Variants in ADAMTSL1 observed in about 807,000 individuals in gnomAD.
ADAMTSL1 encodes ADAMTS like 1.
In ADAMTSL1, 126 loss-of-function variants were observed where a neutral mutation model predicts 201.8. The ratio of observed to expected loss-of-function variants is 0.62; its 90% CI spans 0.54 to 0.72. The LOEUF is 0.72. ADAMTSL1 is among the 30% of genes least tolerant of loss of function. The pLI, the probability that ADAMTSL1 is intolerant of heterozygous loss-of-function variation, is 0.00. For missense variants in ADAMTSL1, 2,679 were observed against 2,277.8 expected (o/e 1.18, Z -3.59); for synonymous variants, 1,121 against 903.4 (o/e 1.24, Z -4.32).
intron 20 of ADAMTSL1, among the ~76,000 whole-genome samples, chr9:18,806,537 G>A (rs1336942802): frequency 2.0e-5 from 3 of 152,182 alleles, no homozygotes; most frequent in Admixed American, 2.0e-4. Flanking sequence ...TGCTTACAAT[G>A]CTCTCTACTC....
intron 4 of ADAMTSL1, among the ~76,000 whole-genome samples, chr9:18,598,285 G>C (rs973409269): frequency 1.3e-5 from 2 of 152,228 alleles, no homozygotes; most frequent in African/African-American, 4.8e-5. Context: ...AGGGCAGGAT[G>C]TGACTTACCC....
rs778641186 is a variant in ADAMTSL1, at chr9:18,753,351, A to G, written c.2060A>G (p.Gln687Arg). The G allele has an allele frequency of 1.9e-6, 3 of 1,612,514 alleles. No individual in the cohort carries two copies. Among genetic ancestry groups the G allele is most frequent in the Non-Finnish European group, 2.5e-6 (3 of 1,179,428 alleles). Residue 687 changes from glutamine (Q) to arginine (R), a missense_variant, in exon 16 of 29, where the codon CAG (glutamine) becomes CGG (arginine). Coordinates refer to ENST00000380548, the MANE Select transcript of ADAMTSL1 (RefSeq NM_001040272.6). ...PCSLTCGVGL[Q>R]TRDVFCSHLL... ...AGTCTCACATGTGGGGTCGGCCTAC[A>G]GACCAGAGACGTCTTCTGCAGCCAC...
rs1821340086 is a variant in ADAMTSL1 at position 18,474,254 on chromosome 9, A to G, written c.22A>G (p.Thr8Ala). 1.2e-6 allele frequency: 2 copies of G among 1,613,216 alleles called. No individual in the cohort carries two copies. The highest frequency in any genetic ancestry group is 1.7e-6 in the Non-Finnish European group (2 of 1,179,806). Reference sequence around the variant, plus strand: ...AAGCATGGAATGCTGCCGTCGGGCAACTCCTGGCACACTGCTCCTCTTTCT... The same window carrying G: ...AAGCATGGAATGCTGCCGTCGGGCAGCTCCTGGCACACTGCTCCTCTTTCT... MECCRRA[T>A]PGTLLLFLAF... The change falls in exon 1 of 29, where the codon ACT becomes GCT. Residue 8 changes from threonine (T) to alanine (A), a missense_variant. Coordinates refer to ENST00000380548, the MANE Select transcript of ADAMTSL1 (RefSeq NM_001040272.6).
At chr9:18,325,965 T>G (rs1046132583) in intron 2 of ADAMTSL1, among the ~76,000 whole-genome samples, 1 of 152,168 alleles carries the variant, frequency 6.6e-6, no homozygotes, top group South Asian at 2.1e-4. Flanking sequence ...AGTCTTGAAC[T>G]CCTGACCTCA....
At chr9:18,876,541 G>A (rs1314512634) in intron 23 of ADAMTSL1, among the ~76,000 whole-genome samples, 1 of 152,050 alleles carries the variant, frequency 6.6e-6, no homozygotes, top group African/African-American at 2.4e-5. Flanking sequence ...AAAATTCTTG[G>A]CTGATAATAG....
At chr9:18,454,568 G>A (rs1313741603) in intron 2 of ADAMTSL1, among the ~76,000 whole-genome samples, 4 of 152,074 alleles carry the variant, frequency 2.6e-5, no homozygotes, top group African/African-American at 9.7e-5. Flanking sequence ...ATATGTCTGG[G>A]AACACACCTA....
chr9:18,619,308 A>G (rs778195291), intron 4 of ADAMTSL1, among the ~76,000 whole-genome samples: 1 of 152,310 alleles, frequency 6.6e-6, no homozygotes, highest in East Asian at 1.9e-4. Context: ...CACTTGGACC[A>G]AAGTAAGAAC....
intron 2 of ADAMTSL1, among the ~76,000 whole-genome samples, chr9:18,429,880 C>T (rs912301277): frequency 5.9e-5 from 9 of 152,082 alleles, no homozygotes; most frequent in African/African-American, 1.9e-4. Flanking sequence ...ACCTCTGCCT[C>T]CCGGGTTCAA....
rs1352571180 is a variant in ADAMTSL1 at position 18,710,661 on chromosome 9, G to GTTTTTTTTTTTTTTTTTTTT, written c.1876+3617_1876+3618insTTTTTTTTTTTTTTTTTTTT. Reference sequence around the variant, plus strand: ...TCCTTGCAGTCTTAGAAGGGCCTAAGTTTTGTTTTGTTTTTTTTTTTTTTT... The same window carrying GTTTTTTTTTTTTTTTTTTTT: ...TCCTTGCAGTCTTAGAAGGGCCTAAGTTTTTTTTTTTTTTTTTTTTTTTTGTTTTGTTTTTTTTTTTTTTT... On this transcript the variant is annotated intron_variant, in intron 14 of 28. Transcript: ENST00000380548. Among the ~76,000 whole-genome samples, 4 of 79,644 alleles carry GTTTTTTTTTTTTTTTTTTTT rather than the reference G, an allele frequency of 5.0e-5. 2 individuals carry two copies. The highest frequency in any genetic ancestry group is 9.8e-5 in the Non-Finnish European group (4 of 40,734). 52.2% of individuals were successfully genotyped at this position (79,644 alleles called of 152,430 possible). A position where few individuals can be genotyped will look rare whatever the true frequency, so the allele number is the denominator to read the frequency against.
intron 2 of ADAMTSL1, among the ~76,000 whole-genome samples, chr9:18,233,657 T>G (rs920203031): frequency 6.6e-6 from 1 of 152,004 alleles, no homozygotes. Context: ...GAGAGAAAAA[T>G]AGCCCTTGAA....
chr9:18,754,086 G>T (rs1306854489), intron 16 of ADAMTSL1, among the ~76,000 whole-genome samples: 1 of 152,068 alleles, frequency 6.6e-6, no homozygotes, highest in African/African-American at 2.4e-5. Context: ...AGCCTTTCTT[G>T]CGTGTGTAAA....
chr9:18,422,565 G>A (rs1197656910), intron 2 of ADAMTSL1, among the ~76,000 whole-genome samples: 2 of 152,058 alleles, frequency 1.3e-5, no homozygotes, highest in African/African-American at 2.4e-5. Flanking sequence ...CCTGCTTCTT[G>A]TATTTCACCA....
chr9:18,673,323 G>T (rs78466899), intron 9 of ADAMTSL1, among the ~76,000 whole-genome samples: 6 of 152,298 alleles, frequency 3.9e-5, no homozygotes, highest in Admixed American at 6.5e-5. Context: ...CTAGGGCCAT[G>T]GCATGAACCC....
intron 3 of ADAMTSL1, among the ~76,000 whole-genome samples, chr9:18,570,950 C>A (rs200531122): frequency 1.3e-5 from 2 of 152,150 alleles, no homozygotes; most frequent in African/African-American, 4.8e-5. Context: ...CAAATAAGAA[C>A]ATCTGTCTGC....
intron 2 of ADAMTSL1, among the ~76,000 whole-genome samples, chr9:18,413,570 A>T (rs1298112026): frequency 6.6e-6 from 1 of 152,234 alleles, no homozygotes; most frequent in Non-Finnish European, 1.5e-5. Context: ...AATAATTTTA[A>T]ATATTTTCCA....
At chr9:18,540,203 G>A (rs773027628) in intron 3 of ADAMTSL1, among the ~76,000 whole-genome samples, 14 of 152,102 alleles carry the variant, frequency 9.2e-5, no homozygotes, top group Admixed American at 7.2e-4. Context: ...AGGCACTGGC[G>A]TATAATATTA....
At chr9:17,984,474 G>A (rs1042603062) in intron 1 of ADAMTSL1, among the ~76,000 whole-genome samples, 4 of 151,806 alleles carry the variant, frequency 2.6e-5, no homozygotes, top group African/African-American at 9.7e-5. Flanking sequence ...TTAACTGTAA[G>A]GATTGTATTG....
rs550805808 is a variant in ADAMTSL1, at chr9:18,138,047, G to A, written c.88-25815G>A. 2.6e-5 allele frequency among the ~76,000 whole-genome samples: 4 copies of A among 152,222 alleles called. No individual in the cohort carries two copies. The South Asian group carries it at 8.3e-4, about 32-fold the overall frequency. ...TGGCACTGTGTTTTGAAATACTGTA[G>A]AGCAGGGTTTGATTCCCTGCTATGC... On this transcript the variant is annotated intron_variant, in intron 1 of 29. Transcript: ENST00000680146.
intron 2 of ADAMTSL1, among the ~76,000 whole-genome samples, chr9:18,510,648 C>G (rs1206588718): frequency 6.6e-6 from 1 of 151,890 alleles, no homozygotes; most frequent in Non-Finnish European, 1.5e-5. Flanking sequence ...CATTGTCTCT[C>G]ACCTTTACTA....
Sources: allele counts gnomAD v4.1 joint callset (sites outside exome capture counted in the v4.1 genomes callset), GRCh38; gene constraint gnomAD v4.1.1; transcripts MANE v1.5; gene names NCBI Gene and HGNC (gene_info 2026-07-23, HGNC 2026-07-21).